NPFFR2: variants seen among roughly 807,000 people sequenced by gnomAD.
The protein encoded by NPFFR2 is G-protein coupled receptor 74.
In NPFFR2, 15 loss-of-function variants were observed where a neutral mutation model predicts 13.1. That is an observed-to-expected ratio of 1.15 (90% CI 0.77 to 1.76). NPFFR2 has a LOEUF of 1.76. NPFFR2 is among the 40% of genes most tolerant of loss of function. The probability of loss-of-function intolerance (pLI) is 0.00; values close to 1 mark genes in which losing one functional copy is unlikely to be tolerated. For missense variants in NPFFR2, 572 were observed against 503.5 expected (o/e 1.14, Z -1.30); for synonymous variants, 190 against 175.7 (o/e 1.08, Z -0.65).
intron 1 of NPFFR2, among the ~76,000 whole-genome samples, chr4:72,058,187 G>A (rs1719814873): frequency 6.6e-6 from 1 of 151,750 alleles, no homozygotes; most frequent in Non-Finnish European, 1.5e-5. Flanking sequence ...TTATTTTATG[G>A]GGAGTACACA....
intron 3 of NPFFR2, among the ~76,000 whole-genome samples, chr4:72,145,301 G>A (rs1019239028): frequency 2.1e-4 from 31 of 146,738 alleles, no homozygotes; most frequent in Admixed American, 5.5e-4. Context: ...ACATATATTT[G>A]TTATAAATAC....
intron 1 of NPFFR2, among the ~76,000 whole-genome samples, chr4:72,105,402 G>A (rs1325525852): frequency 1.3e-5 from 2 of 151,924 alleles, no homozygotes; most frequent in African/African-American, 4.8e-5. Context: ...AAATTTCTAT[G>A]CACTCTGGAA....
At position 72,117,099 on chromosome 4, in the gene NPFFR2, C is replaced by T. The variant is rs372335325; in HGVS notation, c.-7-11486C>T. ...CCCCACCCTTTTCTTTTTCCTTCACCCTGACCCAGTTCTATGCCCTATAAA... is the reference window on the plus strand; with the variant it reads ...CCCCACCCTTTTCTTTTTCCTTCACTCTGACCCAGTTCTATGCCCTATAAA... On this transcript the variant is annotated intron_variant, in intron 1 of 3. Coordinates refer to ENST00000308744, the MANE Select transcript of NPFFR2 (RefSeq NM_004885.3). Among the ~76,000 whole-genome samples, 61 of 152,168 alleles carry T rather than the reference C, an allele frequency of 4.0e-4. No individual in the cohort carries two copies. In the South Asian group the frequency reaches 0.012, roughly 30 times the overall value.
intron 2 of NPFFR2, among the ~76,000 whole-genome samples, chr4:72,130,701 C>T (rs1202036873): frequency 6.6e-6 from 1 of 152,120 alleles, no homozygotes. Context: ...AGGGCAAGTG[C>T]TTTTGGGTGC....
At chr4:72,131,523 C>G (rs1722242924) in intron 2 of NPFFR2, among the ~76,000 whole-genome samples, 3 of 151,492 alleles carry the variant, frequency 2.0e-5, no homozygotes, top group Admixed American at 2.0e-4. Context: ...GTGCAGCGCA[C>G]CAGCATGGCA....
chr4:72,103,906 TC>T (rs1721330934), intron 1 of NPFFR2, among the ~76,000 whole-genome samples: 1 of 151,222 alleles, frequency 6.6e-6, no homozygotes, highest in Non-Finnish European at 1.5e-5. Flanking sequence ...GATCTCCTCC[TC>T]AGTCCTCCAA....
chr4:72,070,526 A>G (rs1356032308), intron 1 of NPFFR2, among the ~76,000 whole-genome samples: 1 of 129,116 alleles, frequency 7.7e-6, no homozygotes, highest in East Asian at 2.8e-4. Flanking sequence ...CTGGGCAGAT[A>G]TCCTCATGGA....
At chr4:72,117,664 T>G (rs77560178) in intron 1 of NPFFR2, among the ~76,000 whole-genome samples, 1 of 152,302 alleles carries the variant, frequency 6.6e-6, no homozygotes, top group East Asian at 1.9e-4. Flanking sequence ...GTTAAATCAG[T>G]CAATGAATGA....
intron 1 of NPFFR2, among the ~76,000 whole-genome samples, chr4:72,070,681 C>T (rs1319116870): frequency 6.6e-6 from 1 of 151,878 alleles, no homozygotes; most frequent in Non-Finnish European, 1.5e-5. Flanking sequence ...TGGCCTTCCG[C>T]AGCTCCATTT....
At chr4:72,142,971 A>G (rs1325426727) in intron 3 of NPFFR2, among the ~76,000 whole-genome samples, 1 of 152,224 alleles carries the variant, frequency 6.6e-6, no homozygotes, top group East Asian at 1.9e-4. Context: ...TTTGACAGCT[A>G]TGCAAAAGAG....
chr4:72,127,948 C>A (rs902564990), intron 1 of NPFFR2, among the ~76,000 whole-genome samples: 1 of 151,848 alleles, frequency 6.6e-6, no homozygotes, highest in Non-Finnish European at 1.5e-5. Flanking sequence ...GTCATGATGG[C>A]GTGCACCTGT....
intron 1 of NPFFR2, among the ~76,000 whole-genome samples, chr4:72,092,643 T>A (rs1371120321): frequency 6.6e-6 from 1 of 152,146 alleles, no homozygotes; most frequent in Non-Finnish European, 1.5e-5. Context: ...TTTTGTCTGG[T>A]ATAGGAATAG....
At chr4:72,102,777 G>A (rs991157099) in intron 1 of NPFFR2, among the ~76,000 whole-genome samples, 1 of 151,984 alleles carries the variant, frequency 6.6e-6, no homozygotes, top group African/African-American at 2.4e-5. Context: ...ATCATTGTTG[G>A]ACATTTGGCT....
At chr4:72,076,961 A>G (rs931911397) in intron 1 of NPFFR2, among the ~76,000 whole-genome samples, 2 of 152,208 alleles carry the variant, frequency 1.3e-5, no homozygotes, top group Admixed American at 1.3e-4. Context: ...AAGAAAGAGT[A>G]AAATATTGTT....
intron 1 of NPFFR2, among the ~76,000 whole-genome samples, chr4:72,071,218 C>T (rs1720244419): frequency 6.6e-6 from 1 of 152,128 alleles, no homozygotes; most frequent in Admixed American, 6.5e-5. Context: ...TGTTTAAAAA[C>T]AAGCATGAAT....
intron 1 of NPFFR2, among the ~76,000 whole-genome samples, chr4:72,038,584 T>C (rs1719106264): frequency 6.6e-6 from 1 of 152,236 alleles, no homozygotes; most frequent in Non-Finnish European, 1.5e-5. Flanking sequence ...ATATTTTTTT[T>C]CCTGTAATAT....
rs1258425883 is a variant in NPFFR2, at chr4:72,069,015, G to A, written c.-8+36815G>A. The stretch of plus-strand genomic sequence containing the variant: ...ATAAGAGTGAAGCATGTAGATCAGT[G>A]ACTGCTATGTAAGTATTCTAATATT... On this transcript the variant is annotated intron_variant, in intron 1 of 3. Coordinates refer to ENST00000308744, the MANE Select transcript of NPFFR2 (RefSeq NM_004885.3). 4 of 1,214,134 alleles carry A rather than the reference G, an allele frequency of 3.3e-6. No homozygotes were observed. In the African/African-American group the frequency reaches 4.9e-5, roughly 15 times the overall value. 75.2% of individuals were successfully genotyped at this position (1,214,134 alleles called of 1,614,324 possible).
chr4:72,138,944 G>T (rs1488873702), intron 3 of NPFFR2, among the ~76,000 whole-genome samples: 2 of 152,070 alleles, frequency 1.3e-5, no homozygotes, highest in East Asian at 3.9e-4. Context: ...ACTTTTTAAT[G>T]ATGACCTTTC....
In NPFFR2 at chr4:72,128,859, A is replaced by C. The variant is rs938148114; in HGVS notation, c.268A>C (p.Ser90Arg). 52 of 1,613,940 alleles carry C rather than the reference A, an allele frequency of 3.2e-5. No individual in the cohort carries two copies. Among genetic ancestry groups the C allele is most frequent in the Non-Finnish European group, 4.2e-5 (50 of 1,179,948 alleles). Reference protein sequence around the residue: ...TNLFILNLAISDLLVGIFCMP... With the variant: ...TNLFILNLAIRDLLVGIFCMP... The stretch of plus-strand genomic sequence containing the variant: ...TCTCTTCATCTTAAACCTGGCCATA[A>C]GTGATTTACTAGTTGGCATATTCTG... The change falls in exon 2 of 4, where the codon AGT becomes CGT. Residue 90 changes from serine to arginine, a missense_variant. Ser to Arg is a moderately radical substitution (Grantham distance 110). Transcript: ENST00000308744.
Sources: gnomAD v4.1 joint callset for allele counts (sites outside exome capture counted in the v4.1 genomes callset) on GRCh38, gnomAD v4.1.1 for gene constraint, MANE v1.5 for transcripts, NCBI Gene and HGNC (gene_info 2026-07-23, HGNC 2026-07-21) for gene names.